ESYT3: variants seen among roughly 807,000 people sequenced by gnomAD.
The protein encoded by ESYT3 is extended synaptotagmin-3.
Under a neutral mutation model 111.5 loss-of-function variants are expected in ESYT3, and 101 were observed. The ratio of observed to expected loss-of-function variants is 0.91; its 90% CI spans 0.77 to 1.07. ESYT3 has a LOEUF of 1.07. Among genes scored for constraint, ESYT3 ranks in the 50% least tolerant of loss-of-function variants. The pLI is 0.00. For synonymous variants in ESYT3, 416 were observed against 446.8 expected (o/e 0.93, Z 0.87); for missense variants, 1,097 against 1,109.4 (o/e 0.99, Z 0.16).
Position 138,478,063 on chromosome 3 carries a change from A to G in ESYT3, c.*1209A>G, listed in dbSNP as rs909689190. 1.3e-5 allele frequency: 2 copies of G among 152,146 alleles called. No homozygotes were observed. The highest frequency in any genetic ancestry group is 2.9e-5 in the Non-Finnish European group (2 of 68,018). The allele number at this position is 152,146 out of a possible 1,614,324, so 9.4% of individuals were successfully genotyped here. A position where few individuals can be genotyped will look rare whatever the true frequency, so the allele number is the denominator to read the frequency against. On this transcript the variant is annotated 3_prime_UTR_variant, in exon 23 of 23. Transcript: ENST00000389567. ...ACCTATTTCCTCTATTAAGTAAGTCAGTCAATCCATAGTGAAATGGACTCT... is the reference window on the plus strand; with the variant it reads ...ACCTATTTCCTCTATTAAGTAAGTCGGTCAATCCATAGTGAAATGGACTCT...
At chr3:138,451,676 C>G (rs73864578) in intron 1 of ESYT3, among the ~76,000 whole-genome samples, 3,297 of 152,292 alleles carry the variant, frequency 0.022, 132 homozygotes, top group African/African-American at 0.075. Flanking sequence ...TCGGCCTCCG[C>G]GTGGGACTGG....
In ESYT3 at chr3:138,469,475, T is replaced by A. The variant is rs777302972; in HGVS notation, c.1474T>A (p.Ser492Thr). 2.5e-6 allele frequency: 4 copies of A among 1,613,928 alleles called. No individual in the cohort carries two copies. Among genetic ancestry groups the A allele is most frequent in the Admixed American group, 1.7e-5 (1 of 59,988 alleles). ...SKDPSSYVKL[S>T]VGKKTHTSKT... ...AGACCCTTCTTCCTATGTCAAACTA[T>A]CTGTAGGCAAGAAGACACATACAAG... The change falls in exon 15 of 23, where the codon TCT becomes ACT. Residue 492 changes from serine (S) to threonine (T), a missense_variant. Transcript: ENST00000389567.
At chr3:138,457,954 C>T (rs995943658) in intron 4 of ESYT3, among the ~76,000 whole-genome samples, 3 of 152,114 alleles carry the variant, frequency 2.0e-5, no homozygotes, top group African/African-American at 7.2e-5. Flanking sequence ...CCAGGGAGTT[C>T]CAAGCACAGG....
intron 10 of ESYT3, among the ~76,000 whole-genome samples, chr3:138,466,463 C>G (rs1024853947): frequency 6.6e-6 from 1 of 152,118 alleles, no homozygotes; most frequent in Non-Finnish European, 1.5e-5. Flanking sequence ...TTATTTTTAT[C>G]TTAATGAAAA....
At chr3:138,462,502 T>A in intron 8 of ESYT3, 1 of 525,194 alleles carries the variant, frequency 1.9e-6, no homozygotes, top group Non-Finnish European at 3.4e-6. Context: ...TGGTCTCCAT[T>A]TTTAGGGTTT....
At chr3:138,451,979 G>T (rs1005582032) in intron 1 of ESYT3, 69 bp from the exon 2 acceptor site, 1 of 1,571,960 alleles carries the variant, frequency 6.4e-7, no homozygotes, top group African/African-American at 1.3e-5. Context: ...AGCCCGCCAG[G>T]CTGGCTTGCT....
At position 138,476,252 on chromosome 3, in the gene ESYT3, T is replaced by G; in HGVS notation, c.2498T>G (p.Val833Gly). Reference sequence around the variant, plus strand: ...GAATTTTTTGTTCCCATGGAAGAAGTAAAGAAGAGGTCACTAGATGTTGCA... The same window carrying G: ...GAATTTTTTGTTCCCATGGAAGAAGGAAAGAAGAGGTCACTAGATGTTGCA... ...TFEFFVPMEE[V>G]KKRSLDVAVK... The change falls in exon 21 of 23, where the codon GTA becomes GGA. Residue 833 changes from valine to glycine, a missense_variant. Val to Gly is a moderately radical substitution (Grantham distance 109, BLOSUM62 -3). Transcript: ENST00000389567. The G allele has an allele frequency of 2.5e-6, 4 of 1,613,660 alleles. No homozygotes were observed. Among genetic ancestry groups the G allele is most frequent in the Non-Finnish European group, 3.4e-6 (4 of 1,179,652 alleles).
intron 1 of ESYT3, among the ~76,000 whole-genome samples, chr3:138,441,827 CT>C (rs11449694): frequency 6.7e-6 from 1 of 149,360 alleles, no homozygotes; most frequent in Non-Finnish European, 1.5e-5. Context: ...GACAAAGCAC[CT>C]TTTTTTTTTA....
chr3:138,457,918 G>A (rs535898441), intron 4 of ESYT3, among the ~76,000 whole-genome samples: 1 of 152,308 alleles, frequency 6.6e-6, no homozygotes, highest in African/African-American at 2.4e-5. Flanking sequence ...AGTGTGATAA[G>A]AAGATGTGAA....
chr3:138,443,845 C>T (rs1190315526), intron 1 of ESYT3, among the ~76,000 whole-genome samples: 2 of 152,002 alleles, frequency 1.3e-5, no homozygotes, highest in Non-Finnish European at 2.9e-5. Flanking sequence ...AAGTGAGGCT[C>T]CTTAGTCCCT....
At chr3:138,436,413 T>G (rs756751289) in intron 1 of ESYT3, among the ~76,000 whole-genome samples, 2 of 152,212 alleles carry the variant, frequency 1.3e-5, no homozygotes, top group Admixed American at 6.5e-5. Flanking sequence ...CATTTTAACT[T>G]AATTACCACT....
At chr3:138,459,851 C>T (rs2032522197) in intron 5 of ESYT3, 94 bp from the exon 6 acceptor site, 1 of 1,076,982 alleles carries the variant, frequency 9.3e-7, no homozygotes. Flanking sequence ...GCAGCGTGGG[C>T]ATGAAATGAG....
intron 5 of ESYT3, among the ~76,000 whole-genome samples, chr3:138,459,732 C>T (rs1181665908): frequency 6.6e-6 from 1 of 152,234 alleles, no homozygotes; most frequent in African/African-American, 2.4e-5. Flanking sequence ...CAGCTCAGGG[C>T]CCCTTGGTAG....
chr3:138,436,691 T>G (rs1390502857), intron 1 of ESYT3, among the ~76,000 whole-genome samples: 3 of 152,146 alleles, frequency 2.0e-5, no homozygotes, highest in Non-Finnish European at 4.4e-5. Flanking sequence ...GGCTTGTGAT[T>G]CTGAAAGGTG....
At chr3:138,469,009 T>C in intron 14 of ESYT3, 128 bp downstream of exon 14, 1 of 1,013,826 alleles carries the variant, frequency 9.9e-7, no homozygotes. Context: ...CAAGAGGTGC[T>C]GATTGTGGAG....
At chr3:138,448,987 G>A (rs1470480065) in intron 1 of ESYT3, among the ~76,000 whole-genome samples, 1 of 152,106 alleles carries the variant, frequency 6.6e-6, no homozygotes, top group African/African-American at 2.4e-5. Context: ...TCTTGGTGAG[G>A]AGCCTCAAAT....
intron 20 of ESYT3, 119 bp from the exon 21 acceptor site, chr3:138,476,104 C>G: frequency 1.5e-6 from 1 of 671,338 alleles, no homozygotes; most frequent in Non-Finnish European, 2.7e-6. Flanking sequence ...CAGTCCTGCT[C>G]TAGGTGCTCC....
rs942272629 is a variant in ESYT3 at position 138,479,300 on chromosome 3, G to A, written c.*2446G>A. On this transcript the variant is annotated 3_prime_UTR_variant, in exon 23 of 23. Coordinates refer to ENST00000389567, the MANE Select transcript of ESYT3 (RefSeq NM_031913.5). ...TATAAACAAATAACCAAAGATTTTT[G>A]CAAGGGTTCAGAAACATAGTAGAAC... The A allele has an allele frequency of 2.0e-5, 3 of 152,130 alleles. No homozygotes were observed. Among genetic ancestry groups the A allele is most frequent in the Non-Finnish European group, 2.9e-5 (2 of 68,024 alleles). 9.4% of individuals were successfully genotyped at this position (152,130 alleles called of 1,614,324 possible). A position where few individuals can be genotyped will look rare whatever the true frequency, so the allele number is the denominator to read the frequency against.
Position 138,435,056 on chromosome 3 carries a change from C to T in ESYT3, c.258C>T (p.Ala86=). Residue 86 remains alanine, a synonymous_variant, in exon 1 of 23, where the codon GCC becomes GCT. Coordinates refer to ENST00000389567, the MANE Select transcript of ESYT3 (RefSeq NM_031913.5). This position sits in a 1 kb window ranked among gnomAD's most constrained non-coding sequence, Gnocchi z 4.8. The stretch of plus-strand genomic sequence containing the variant: ...GGAAGCTTGGGCGCCTGGCCGCCGC[C>T]TTCGAATTCCTTGACAATGAACGCG... ...RRGKLGRLAA[A]FEFLDNEREF... 1.3e-6 allele frequency: 2 copies of T among 1,592,594 alleles called. No homozygotes were observed. Among genetic ancestry groups the T allele is most frequent in the South Asian group, 2.3e-5 (2 of 87,178 alleles).
Sources: allele counts gnomAD v4.1 joint callset (sites outside exome capture counted in the v4.1 genomes callset), GRCh38; gene constraint gnomAD v4.1.1; non-coding constraint Gnocchi (gnomAD v3.1); transcripts MANE v1.5; gene names NCBI Gene and HGNC (gene_info 2026-07-23, HGNC 2026-07-21).